SMOC1: variants seen among roughly 807,000 people sequenced by gnomAD.
The protein encoded by SMOC1 is SPARC related modular calcium binding 1.
SMOC1 carries 22 observed loss-of-function variants against 56.3 expected under a neutral mutation model. The observed-to-expected ratio is 0.39, with a 90% CI of 0.28 to 0.56. The LOEUF (loss-of-function observed/expected upper bound fraction) is 0.56. Among genes scored for constraint, SMOC1 ranks in the 20% least tolerant of loss-of-function variants. The pLI is 0.61. For missense variants in SMOC1, 509 were observed against 565.4 expected (o/e 0.90, Z 1.01); for synonymous variants, 193 against 215.0 (o/e 0.90, Z 0.89).
chr14:69,925,891 C>T (rs534105612), intron 1 of SMOC1, among the ~76,000 whole-genome samples: 1 of 152,296 alleles, frequency 6.6e-6, no homozygotes, highest in South Asian at 2.1e-4. Context: ...ATATCTCAGA[C>T]CACCACGAAA....
chr14:69,903,303 G>A (rs1256634316), intron 1 of SMOC1, among the ~76,000 whole-genome samples: 2 of 151,418 alleles, frequency 1.3e-5, no homozygotes, highest in East Asian at 2.0e-4. Flanking sequence ...GTCTCTGCCC[G>A]GCTGCCCCGT....
At chr14:69,981,133 G>C (rs975035154) in intron 5 of SMOC1, among the ~76,000 whole-genome samples, 1 of 151,994 alleles carries the variant, frequency 6.6e-6, no homozygotes, top group Non-Finnish European at 1.5e-5. Context: ...AGAGAGAGAG[G>C]CTGGGTGGTC....
At chr14:69,926,220 G>T (rs1283810419) in intron 1 of SMOC1, among the ~76,000 whole-genome samples, 2 of 152,228 alleles carry the variant, frequency 1.3e-5, no homozygotes, top group Non-Finnish European at 2.9e-5. Context: ...TCTGAGGGCA[G>T]TGATGAAGTT....
At chr14:69,888,170 CAG>C (rs1211702068) in intron 1 of SMOC1, among the ~76,000 whole-genome samples, 1 of 152,108 alleles carries the variant, frequency 6.6e-6, no homozygotes, top group Non-Finnish European at 1.5e-5. Context: ...GGCCGCCAAA[CAG>C]GGTTAGATTT....
At chr14:69,991,964 T>C (rs1884582214) in intron 5 of SMOC1, among the ~76,000 whole-genome samples, 1 of 152,178 alleles carries the variant, frequency 6.6e-6, no homozygotes, top group Non-Finnish European at 1.5e-5. Flanking sequence ...TCAGGGCCAC[T>C]GAGCTGGTAG....
intron 1 of SMOC1, among the ~76,000 whole-genome samples, chr14:69,915,468 C>G (rs936095418): frequency 6.6e-6 from 1 of 152,210 alleles, no homozygotes; most frequent in South Asian, 2.1e-4. Context: ...CACCACCTCC[C>G]ACTAGATCAT....
intron 1 of SMOC1, among the ~76,000 whole-genome samples, chr14:69,945,593 A>G (rs1882750569): frequency 6.6e-6 from 1 of 152,242 alleles, no homozygotes; most frequent in African/African-American, 2.4e-5. Flanking sequence ...CAGCCAACCC[A>G]CATAATTATG....
Position 70,002,922 on chromosome 14 carries a change from A to G in SMOC1, c.665-7832A>G, listed in dbSNP as rs533077553. On this transcript the variant is annotated intron_variant, in intron 7 of 11. Transcript: ENST00000361956. ...CTGTGCTAATCCTTCTGAAACAGCA[A>G]AGTCAGTTCCTTACAACCTGGTCCT... 8.5e-5 allele frequency among the ~76,000 whole-genome samples: 13 copies of G among 152,220 alleles called. No homozygotes were observed. The South Asian group carries it at 2.7e-3, about 32-fold the overall frequency.
Position 70,029,602 on chromosome 14 carries a change from A to G in SMOC1, c.1292-640A>G, listed in dbSNP as rs114023481. Reference sequence around the variant, plus strand: ...TGAGGGTCAGAGAGGACAGAGACCCAGCATACGGAAGAAGGTGCCAGTTCT... The same window carrying G: ...TGAGGGTCAGAGAGGACAGAGACCCGGCATACGGAAGAAGGTGCCAGTTCT... On this transcript the variant is annotated intron_variant, in intron 11 of 11. Transcript: ENST00000361956. Among the ~76,000 whole-genome samples, 938 of 152,340 alleles carry G rather than the reference A, an allele frequency of 6.2e-3. 13 individuals are homozygous for G. Among genetic ancestry groups the G allele is most frequent in the African/African-American group, 0.021 (880 of 41,576 alleles).
chr14:69,992,099 G>A (rs1051906868), intron 5 of SMOC1, among the ~76,000 whole-genome samples: 9 of 152,074 alleles, frequency 5.9e-5, no homozygotes, highest in Non-Finnish European at 1.3e-4. Context: ...GTTTTCCTGC[G>A]GGAACAAGGG....
intron 3 of SMOC1, among the ~76,000 whole-genome samples, chr14:69,972,731 G>A (rs1313070449): frequency 1.3e-5 from 2 of 152,290 alleles, no homozygotes; most frequent in East Asian, 3.9e-4. Flanking sequence ...TGAGCCCACA[G>A]GTCAGATTAT....
intron 1 of SMOC1, among the ~76,000 whole-genome samples, chr14:69,936,442 G>A (rs1885297453): frequency 6.6e-6 from 1 of 152,260 alleles, no homozygotes. Flanking sequence ...AAAGGACACT[G>A]AGTTGTTCTG....
At chr14:69,951,704 A>G (rs1290600911) in intron 1 of SMOC1, among the ~76,000 whole-genome samples, 2 of 152,224 alleles carry the variant, frequency 1.3e-5, no homozygotes, top group Non-Finnish European at 2.9e-5. Context: ...ATCTGCATGG[A>G]TGAAGAGGCT....
At chr14:69,955,708 CT>C (rs1163096885) in intron 3 of SMOC1, among the ~76,000 whole-genome samples, 2 of 152,026 alleles carry the variant, frequency 1.3e-5, no homozygotes, top group African/African-American at 2.4e-5. Context: ...CCCACCAAAC[CT>C]TTTGTTGAAA....
chr14:70,013,395 A>G lies in SMOC1; in HGVS notation c.950A>G (p.Glu317Gly). Residue 317 changes from glutamate to glycine, a missense_variant, in exon 10 of 12, where the codon GAA becomes GGA. Physicochemically the swap from Glu to Gly is moderately conservative, Grantham distance 98. Transcript: ENST00000361956. ...TCATTTTATCTTTTAGGCTGTCCAGAAGGGAAGAAAATGGAGTTTATCACC... is the reference window on the plus strand; with the variant it reads ...TCATTTTATCTTTTAGGCTGTCCAGGAGGGAAGAAAATGGAGTTTATCACC... ...FKDRELPGCPEGKKMEFITSL... is the reference protein window; with the variant it reads ...FKDRELPGCPGGKKMEFITSL... The G allele has an allele frequency of 6.2e-7, 1 of 1,614,068 alleles. No individual in the cohort carries two copies. Among genetic ancestry groups the G allele is most frequent in the Non-Finnish European group, 8.5e-7 (1 of 1,179,924 alleles).
chr14:69,896,905 G>A (rs1004541756), intron 1 of SMOC1, among the ~76,000 whole-genome samples: 1 of 152,242 alleles, frequency 6.6e-6, no homozygotes, highest in Non-Finnish European at 1.5e-5. Flanking sequence ...GGAAGCTTGA[G>A]TAGTCCTGAT....
At chr14:69,967,562 T>C (rs868156598) in intron 3 of SMOC1, among the ~76,000 whole-genome samples, 1 of 148,260 alleles carries the variant, frequency 6.7e-6, no homozygotes, top group Non-Finnish European at 1.5e-5. Flanking sequence ...AGCCAAAAGA[T>C]TGGACACCCC....
At chr14:69,920,776 G>A (rs1296946094) in intron 1 of SMOC1, among the ~76,000 whole-genome samples, 1 of 152,170 alleles carries the variant, frequency 6.6e-6, no homozygotes, top group Non-Finnish European at 1.5e-5. Flanking sequence ...GTCAGAGAGG[G>A]CTGGCTTGAG....
intron 7 of SMOC1, among the ~76,000 whole-genome samples, chr14:70,001,578 C>A (rs1376360749): frequency 3.9e-5 from 6 of 152,174 alleles, no homozygotes; most frequent in Non-Finnish European, 7.3e-5. Flanking sequence ...CTGGAGCATA[C>A]TGCTCCATTC....
Sources: gnomAD v4.1 joint callset for allele counts (sites outside exome capture counted in the v4.1 genomes callset) on GRCh38, gnomAD v4.1.1 for gene constraint, MANE v1.5 for transcripts, NCBI Gene and HGNC (gene_info 2026-07-23, HGNC 2026-07-21) for gene names.